FAM50A: variants seen among roughly 807,000 people sequenced by gnomAD.
FAM50A encodes the protein protein FAM50A.
In FAM50A, 6 loss-of-function variants were observed where a neutral mutation model predicts 35.5. The ratio of observed to expected loss-of-function variants is 0.17; its 90% CI spans 0.09 to 0.33. FAM50A has a LOEUF of 0.33. FAM50A is among the 10% of genes least tolerant of loss of function. The pLI, the probability that FAM50A is intolerant of heterozygous loss-of-function variation, is 1.00. For synonymous variants in FAM50A, 120 were observed against 110.9 expected (o/e 1.08, Z -0.52); for missense variants, 145 against 295.5 (o/e 0.49, Z 3.73).
At chrX:154,445,178 A>G (rs1248345441) in intron 1 of FAM50A, among the ~76,000 whole-genome samples, 1 of 111,491 alleles carries the variant, frequency 9.0e-6, no homozygotes, top group Non-Finnish European at 1.9e-5. Context: ...TTGACATGGT[A>G]CCAAGTGGGT....
At chrX:154,447,695 C>T (rs2068787419) in intron 4 of FAM50A, among the ~76,000 whole-genome samples, 1 of 110,083 alleles carries the variant, frequency 9.1e-6, no homozygotes, top group Admixed American at 9.7e-5. Flanking sequence ...TGCAGAGGGG[C>T]GATCACAGCT....
rs371987626 is a variant in FAM50A, at chrX:154,449,213, G to T, written c.649-8G>T. Reference sequence around the variant, plus strand: ...TTCCCTTCCCAACTCCTGGATTCCCGGATACAGATGAGAAAGGGCAACACC... The same window carrying T: ...TTCCCTTCCCAACTCCTGGATTCCCTGATACAGATGAGAAAGGGCAACACC... On this transcript the variant is annotated splice_polypyrimidine_tract_variant and splice_region_variant and intron_variant, in intron 7 of 12. Transcript: ENST00000393600. 130 of 1,206,052 alleles carry T rather than the reference G, an allele frequency of 1.1e-4. No individual in the cohort carries two copies. The highest frequency in any genetic ancestry group is 1.4e-4 in the Non-Finnish European group (124 of 890,554).
chrX:154,446,152 G>C (rs782030673), intron 3 of FAM50A: 14 of 445,875 alleles, frequency 3.1e-5, no homozygotes, highest in Admixed American at 7.9e-5. Context: ...CCAGCATCCG[G>C]TGCCTGAGCA....
At chrX:154,444,394 C>T (rs781968577) in intron 1 of FAM50A, 48 bp downstream of exon 1, 3 of 678,030 alleles carry the variant, frequency 4.4e-6, no homozygotes, top group Non-Finnish European at 2.0e-6. Context: ...AGGTCCCCGG[C>T]GGCCCCGCGC....
chrX:154,449,575 C>A, intron 8 of FAM50A, 106 bp from the exon 9 acceptor site: 1 of 691,649 alleles, frequency 1.4e-6, no homozygotes. Flanking sequence ...GCCAACTGGC[C>A]GCTGCTTCCC....
chrX:154,450,313 G>T lies in FAM50A; in HGVS notation c.1005G>T (p.Lys335Asn). 8.3e-7 allele frequency: 1 copy of T among 1,208,028 alleles called. No individual in the cohort carries two copies. The highest frequency in any genetic ancestry group is 2.3e-4 in the Middle Eastern group (1 of 4,350). ...EPYDPEKKWD[K>N]YTIR ...ACGACCCTGAAAAGAAGTGGGACAA[G>T]TACACGGTGAGGAGGGGCTGGCAGG... The change falls in exon 12 of 13, where the codon AAG (lysine) becomes AAT (asparagine). Residue 335 changes from lysine to asparagine, a missense_variant. This residue lies in a region of FAM50A where 59 missense variants were observed against 164.5 expected (regional missense o/e 0.36). Transcript: ENST00000393600.
At position 154,444,196 on chromosome X, in the gene FAM50A, G is replaced by GCCGCCGC. The variant is rs1355615509; in HGVS notation, c.-31_-25dup. Reference sequence around the variant, plus strand: ...CGCTGCCGCTGTCGCTGTCGCCGCCGCCGCCGCCCGCCGCCGCCGCCGCCG... The same window carrying GCCGCCGC: ...CGCTGCCGCTGTCGCTGTCGCCGCCGCCGCCGCCCGCCGCCCGCCGCCGCCGCCGCCG... On this transcript the variant is annotated 5_prime_UTR_variant, in exon 1 of 13. Coordinates refer to ENST00000393600, the MANE Select transcript of FAM50A (RefSeq NM_004699.4). The GCCGCCGC allele has an allele frequency of 1.4e-5, 8 of 583,559 alleles. No homozygotes were observed. Among genetic ancestry groups the GCCGCCGC allele is most frequent in the East Asian group, 2.3e-4 (2 of 8,885 alleles). 48.1% of individuals were successfully genotyped at this position (583,559 alleles called of 1,213,427 possible).
intron 7 of FAM50A, 119 bp from the exon 8 acceptor site, chrX:154,449,102 G>C (rs1188908294): frequency 3.4e-6 from 3 of 872,870 alleles, no homozygotes; most frequent in Non-Finnish European, 5.0e-6. Context: ...TGGGGAGTGA[G>C]GCCCAGGCCT....
rs782588013 is a variant in FAM50A, at chrX:154,445,926, C to T, written c.296+15C>T. The T allele has an allele frequency of 4.3e-6, 5 of 1,166,513 alleles. No individual in the cohort carries two copies. The highest frequency in any genetic ancestry group is 4.4e-5 in the Admixed American group (2 of 45,547). ...GAGCTGCAGATGTGGGTCCTCTCGCCGCAGCCCTCAACATGGAGCTAGTGC... is the reference window on the plus strand; with the variant it reads ...GAGCTGCAGATGTGGGTCCTCTCGCTGCAGCCCTCAACATGGAGCTAGTGC... On this transcript the variant is annotated intron_variant, in intron 3 of 12. Transcript: ENST00000393600.
intron 8 of FAM50A, among the ~76,000 whole-genome samples, 185 bp downstream of exon 8, chrX:154,449,482 G>A (rs186324372): frequency 2.8e-4 from 32 of 112,423 alleles, no homozygotes; most frequent in Non-Finnish European, 5.5e-4. Context: ...TGCTGAGAGC[G>A]GCCTGCCTTG....
chrX:154,450,139 C>G, intron 11 of FAM50A, 40 bp downstream of exon 11: 1 of 1,202,932 alleles, frequency 8.3e-7, no homozygotes, highest in Non-Finnish European at 1.1e-6. Flanking sequence ...ACGGGTGTCC[C>G]TGGGCTATGG....
chrX:154,448,386 C>A, intron 4 of FAM50A, 98 bp from the exon 5 acceptor site: 1 of 715,864 alleles, frequency 1.4e-6, no homozygotes, highest in South Asian at 2.3e-5. Flanking sequence ...TCTTCTAGAT[C>A]GACTGTTCTC....
At chrX:154,449,625 C>A in intron 8 of FAM50A, 56 bp from the exon 9 acceptor site, 1 of 1,087,769 alleles carries the variant, frequency 9.2e-7, no homozygotes, top group Admixed American at 2.2e-5. Context: ...TGTCTCCTCC[C>A]TCCCTGGGCA....
intron 1 of FAM50A, chrX:154,444,558 G>A (rs1043078215): frequency 2.9e-5 from 6 of 210,459 alleles, no homozygotes; most frequent in Non-Finnish European, 4.4e-5. Context: ...GGCGTTCTCC[G>A]AGGCTGAGGC....
chrX:154,448,719 G>T lies in FAM50A; in HGVS notation c.549G>T (p.Leu183=), dbSNP rs781974214. 1.6e-5 allele frequency: 19 copies of T among 1,210,374 alleles called. No homozygotes were observed. Among genetic ancestry groups the T allele is most frequent in the Non-Finnish European group, 2.1e-5 (19 of 895,078 alleles). ...EEEENRLREE[L]RQEWEAKQEK... is the part of the protein sequence containing the mutation. ...AGGAGAATCGGCTTCGGGAAGAGCTGCGGCAGGAGTGGGAAGCCAAGCAGG... is the reference window on the plus strand; with the variant it reads ...AGGAGAATCGGCTTCGGGAAGAGCTTCGGCAGGAGTGGGAAGCCAAGCAGG... The change falls in exon 6 of 13, where the codon CTG becomes CTT. Residue 183 remains leucine, a synonymous_variant. Coordinates refer to ENST00000393600, the MANE Select transcript of FAM50A (RefSeq NM_004699.4).
intron 1 of FAM50A, chrX:154,445,355 C>T (rs1433212270): frequency 2.6e-6 from 1 of 384,990 alleles, no homozygotes; most frequent in African/African-American, 2.5e-5. Context: ...AGCTTAAAGG[C>T]TGGAGATGAA....
intron 4 of FAM50A, among the ~76,000 whole-genome samples, chrX:154,447,768 G>A (rs782385343): frequency 9.1e-6 from 1 of 110,206 alleles, no homozygotes; most frequent in African/African-American, 3.3e-5. Context: ...GAGTAGCTGG[G>A]ACTACAGGCG....
At position 154,450,520 on chromosome X, in the gene FAM50A, C is replaced by T. The variant is rs183312820; in HGVS notation, c.*88C>T. On this transcript the variant is annotated 3_prime_UTR_variant, in exon 13 of 13. Coordinates refer to ENST00000393600, the MANE Select transcript of FAM50A (RefSeq NM_004699.4). ...GGGACTCCAGGCACCCGCTCCCCTG[C>T]GACCATGCCAGGCACGCTGGGAGGA... 82 of 1,006,897 alleles carry T rather than the reference C, an allele frequency of 8.1e-5. No individual in the cohort carries two copies. Among genetic ancestry groups the T allele is most frequent in the East Asian group, 4.1e-4 (13 of 31,806 alleles). The allele number at this position is 1,006,897 out of a possible 1,213,427, so 83.0% of individuals were successfully genotyped here. A position where few individuals can be genotyped will look rare whatever the true frequency, so the allele number is the denominator to read the frequency against.
chrX:154,450,397 C>T (rs782485233), intron 12 of FAM50A, 27 bp from the exon 13 acceptor site: 17 of 1,209,184 alleles, frequency 1.4e-5, no homozygotes, highest in Admixed American at 2.2e-5. Context: ...TTCCTTGTCT[C>T]CTCTGCCCAC....
Sources: allele counts gnomAD v4.1 joint callset (sites outside exome capture counted in the v4.1 genomes callset), GRCh38; gene constraint gnomAD v4.1.1; regional missense constraint gnomAD v4.1.1; transcripts MANE v1.5; gene names NCBI Gene and HGNC (gene_info 2026-07-23, HGNC 2026-07-21).